The following COX7B2 variants were observed in gnomAD, a reference collection of about 807,000 sequenced individuals.
The protein encoded by COX7B2 is cytochrome c oxidase subunit 7B2, mitochondrial.
For missense variants in COX7B2, 109 were observed against 95.9 expected, an observed-to-expected ratio of 1.14 and a Z score of -0.57; for synonymous variants, 37 against 32.1, an observed-to-expected ratio of 1.15 and a Z score of -0.51.
chr4:46,777,169 T>G (rs2109537959), intron 2 of COX7B2, among the ~76,000 whole-genome samples: 1 of 152,252 alleles, frequency 6.6e-6, no homozygotes, highest in African/African-American at 2.4e-5. Context: ...AAAATGTATT[T>G]TCTAATACTG....
At chr4:46,845,830 G>T (rs1449685893) in intron 1 of COX7B2, among the ~76,000 whole-genome samples, 1 of 151,956 alleles carries the variant, frequency 6.6e-6, no homozygotes, top group Non-Finnish European at 1.5e-5. Context: ...TTGGTGAGAG[G>T]CAACATTTGA....
intron 1 of COX7B2, among the ~76,000 whole-genome samples, chr4:46,858,406 A>C (rs1378189657): frequency 2.0e-5 from 3 of 152,064 alleles, no homozygotes; most frequent in Non-Finnish European, 4.4e-5. Context: ...CATCGCTTAT[A>C]TTTTAAGACA....
intron 2 of COX7B2, among the ~76,000 whole-genome samples, chr4:46,816,345 C>A (rs1408604126): frequency 6.6e-6 from 1 of 152,070 alleles, no homozygotes; most frequent in Non-Finnish European, 1.5e-5. Context: ...CCTTGAATGA[C>A]CCCTCTTAAT....
intron 1 of COX7B2, among the ~76,000 whole-genome samples, chr4:46,879,267 C>G (rs1001962600): frequency 4.6e-5 from 7 of 152,042 alleles, no homozygotes; most frequent in African/African-American, 1.7e-4. Flanking sequence ...AGCCTCTAGT[C>G]TTCCAAAGAC....
At chr4:46,787,941 G>C (rs1261450879) in intron 2 of COX7B2, among the ~76,000 whole-genome samples, 1 of 152,000 alleles carries the variant, frequency 6.6e-6, no homozygotes, top group African/African-American at 2.4e-5. Context: ...AATTTATCTA[G>C]GATAGCTTGC....
intron 1 of COX7B2, among the ~76,000 whole-genome samples, chr4:46,896,296 T>C (rs1050788084): frequency 2.0e-5 from 3 of 152,212 alleles, no homozygotes; most frequent in African/African-American, 7.2e-5. Flanking sequence ...TGGAAATCTC[T>C]ATCTCAGTAG....
intron 2 of COX7B2, among the ~76,000 whole-genome samples, chr4:46,771,925 CA>C (rs984731300): frequency 2.0e-5 from 3 of 152,152 alleles, no homozygotes; most frequent in African/African-American, 7.2e-5. Flanking sequence ...TGTTGGTGCT[CA>C]AAAAGTTTCA....
intron 1 of COX7B2, among the ~76,000 whole-genome samples, chr4:46,872,569 T>C (rs1386867071): frequency 6.6e-6 from 1 of 152,192 alleles, no homozygotes; most frequent in Non-Finnish European, 1.5e-5. Context: ...TTTGGGGGCT[T>C]ACCTGTCCTT....
intron 1 of COX7B2, among the ~76,000 whole-genome samples, chr4:46,881,709 C>T (rs1469561869): frequency 2.0e-5 from 3 of 152,018 alleles, no homozygotes; most frequent in African/African-American, 4.8e-5. Context: ...GCGATAGATC[C>T]ATCTCAAATA....
intron 2 of COX7B2, among the ~76,000 whole-genome samples, chr4:46,780,529 C>A (rs942838723): frequency 3.9e-5 from 6 of 151,990 alleles, no homozygotes; most frequent in Non-Finnish European, 8.8e-5. Flanking sequence ...AAAGAAAAAA[C>A]AAAAAAGTCT....
chr4:46,771,087 A>G (rs1294393683), intron 2 of COX7B2, among the ~76,000 whole-genome samples: 3 of 152,202 alleles, frequency 2.0e-5, no homozygotes, highest in Non-Finnish European at 4.4e-5. Context: ...AATATCCAAA[A>G]TATATAAGGA....
chr4:46,740,702 G>A (rs1165895830), intron 2 of COX7B2, among the ~76,000 whole-genome samples: 1 of 151,842 alleles, frequency 6.6e-6, no homozygotes, highest in African/African-American at 2.4e-5. Context: ...TAATGAAAAA[G>A]AAAATAATGA....
intron 2 of COX7B2, among the ~76,000 whole-genome samples, chr4:46,767,543 G>C (rs1206709760): frequency 6.6e-6 from 1 of 152,076 alleles, no homozygotes; most frequent in African/African-American, 2.4e-5. Flanking sequence ...TCCAAGAGCA[G>C]AATATACATT....
At chr4:46,840,651 C>T (rs1347767466) in intron 2 of COX7B2, among the ~76,000 whole-genome samples, 1 of 151,982 alleles carries the variant, frequency 6.6e-6, no homozygotes, top group Non-Finnish European at 1.5e-5. Context: ...TTATATTTTT[C>T]ATTCAGCCTC....
chr4:46,745,266 T>C (rs1714952928), intron 2 of COX7B2, among the ~76,000 whole-genome samples: 1 of 152,220 alleles, frequency 6.6e-6, no homozygotes, highest in African/African-American at 2.4e-5. Flanking sequence ...TCCTAAATTC[T>C]GCTCAAAATA....
At chr4:46,757,232 C>A (rs1395655853) in intron 2 of COX7B2, among the ~76,000 whole-genome samples, 1 of 149,216 alleles carries the variant, frequency 6.7e-6, no homozygotes, top group Non-Finnish European at 1.5e-5. Context: ...ATTATATGTT[C>A]TCACTTATAA....
At chr4:46,813,490 G>A (rs1020358297) in intron 2 of COX7B2, among the ~76,000 whole-genome samples, 1 of 152,164 alleles carries the variant, frequency 6.6e-6, no homozygotes, top group Non-Finnish European at 1.5e-5. Flanking sequence ...AAACTCGTAA[G>A]TGGGAGCTGA....
intron 2 of COX7B2, among the ~76,000 whole-genome samples, chr4:46,754,728 G>GTATATATATATATATATATAGATA (rs1715663555): frequency 2.5e-5 from 1 of 39,866 alleles, no homozygotes; most frequent in Non-Finnish European, 4.1e-5. Flanking sequence ...GTGTGTGTGT[G>GTATATATATATATATATATAGATA]TATATATATA....
intron 2 of COX7B2, among the ~76,000 whole-genome samples, chr4:46,833,928 A>G (rs1011425739): frequency 3.9e-5 from 6 of 152,208 alleles, no homozygotes; most frequent in Non-Finnish European, 8.8e-5. Context: ...CCAGTTCAAA[A>G]CAAGAATGTA....
Sources: gnomAD v4.1 joint callset for allele counts (sites outside exome capture counted in the v4.1 genomes callset) on GRCh38, gnomAD v4.1.1 for gene constraint, MANE v1.5 for transcripts, NCBI Gene and HGNC (gene_info 2026-07-23, HGNC 2026-07-21) for gene names.